GHR: variants seen among roughly 807,000 people sequenced by gnomAD.
GHR encodes growth hormone receptor.
Under a neutral mutation model 67.1 loss-of-function variants are expected in GHR, and 35 were observed. The ratio of observed to expected loss-of-function variants is 0.52; its 90% confidence interval spans 0.40 to 0.69. The LOEUF is 0.69. Ranked by LOEUF, GHR falls within the 30% of genes least tolerant of loss-of-function variation. GHR has a pLI of 0.00. For missense variants in GHR, 792 were observed against 764.6 expected (o/e 1.04, Z -0.42); for synonymous variants, 272 against 269.1 (o/e 1.01, Z -0.10).
In GHR at chr5:42,662,110, C is replaced by T. The variant is rs1000505699; in HGVS notation, c.137-26780C>T. The stretch of plus-strand genomic sequence containing the variant: ...GAGCATCCAGATTCATAAAGCAAGT[C>T]CTGAGTGACCTACAAACAGACTTAG... On this transcript the variant is annotated intron_variant, in intron 3 of 9. Transcript: ENST00000230882. Among the ~76,000 whole-genome samples the T allele has an allele frequency of 3.9e-4, 59 of 152,216 alleles. 2 individuals are homozygous for T. Among genetic ancestry groups the T allele is most frequent in the Middle Eastern group, 6.8e-3 (2 of 294 alleles).
chr5:42,514,689 G>A (rs1747165573), intron 1 of GHR, among the ~76,000 whole-genome samples: 1 of 152,182 alleles, frequency 6.6e-6, no homozygotes, highest in South Asian at 2.1e-4. Flanking sequence ...GGGGACATTA[G>A]TGGGGGTCTG....
At chr5:42,665,255 C>A (rs886720135) in intron 3 of GHR, among the ~76,000 whole-genome samples, 1 of 152,152 alleles carries the variant, frequency 6.6e-6, no homozygotes, top group African/African-American at 2.4e-5. Flanking sequence ...TGGGTATATA[C>A]CCAAATGACT....
At chr5:42,630,112 G>C (rs1753868807) in intron 3 of GHR, among the ~76,000 whole-genome samples, 1 of 131,842 alleles carries the variant, frequency 7.6e-6, no homozygotes, top group African/African-American at 3.2e-5. Flanking sequence ...CAACATGATA[G>C]CGTTTGCCTC....
intron 3 of GHR, among the ~76,000 whole-genome samples, chr5:42,636,143 G>C (rs1039629094): frequency 2.7e-5 from 4 of 147,642 alleles, no homozygotes; most frequent in African/African-American, 1.0e-4. Flanking sequence ...CCGGGAGGCG[G>C]AGCTTGCAGT....
chr5:42,663,538 TCAA>T lies in GHR; in HGVS notation c.137-25346_137-25344del, dbSNP rs546286885. ...ATGCAGAAAAGTTCTTTGACAAAATTCAACAACACTTCATGCTAAAAACTCTCA... is the reference window on the plus strand; with the variant it reads ...ATGCAGAAAAGTTCTTTGACAAAATTCAACACTTCATGCTAAAAACTCTCA... On this transcript the variant is annotated intron_variant, in intron 3 of 9. Coordinates refer to ENST00000230882, the MANE Select transcript of GHR (RefSeq NM_000163.5). 4.7e-3 allele frequency among the ~76,000 whole-genome samples: 713 copies of T among 152,278 alleles called. 6 individuals carry two copies. The highest frequency in any genetic ancestry group is 0.016 in the African/African-American group (685 of 41,542).
chr5:42,581,054 A>G (rs147414992), intron 2 of GHR, among the ~76,000 whole-genome samples: 103 of 152,296 alleles, frequency 6.8e-4, no homozygotes, highest in African/African-American at 2.1e-3. Flanking sequence ...GATTGCCATT[A>G]CAAATCTCTT....
chr5:42,641,161 A>G (rs1480957990), intron 3 of GHR, among the ~76,000 whole-genome samples: 1 of 134,388 alleles, frequency 7.4e-6, no homozygotes, highest in African/African-American at 3.2e-5. Flanking sequence ...CTTAGGTACA[A>G]AAAAGATGAG....
At chr5:42,542,996 T>C (rs1748581964) in intron 1 of GHR, among the ~76,000 whole-genome samples, 1 of 152,172 alleles carries the variant, frequency 6.6e-6, no homozygotes, top group Non-Finnish European at 1.5e-5. Context: ...TAGTATTCCA[T>C]GGTGTGTATA....
intron 1 of GHR, among the ~76,000 whole-genome samples, chr5:42,527,928 T>G (rs1275716402): frequency 6.6e-6 from 1 of 152,172 alleles, no homozygotes; most frequent in African/African-American, 2.4e-5. Context: ...ACAATACATG[T>G]GTAATAGTAC....
At chr5:42,429,475 T>C (rs1166238065) in intron 1 of GHR, among the ~76,000 whole-genome samples, 1 of 152,232 alleles carries the variant, frequency 6.6e-6, no homozygotes, top group Non-Finnish European at 1.5e-5. Flanking sequence ...TTCTGAACAT[T>C]CTATATCTAT....
chr5:42,592,409 C>G (rs1467701898), intron 2 of GHR, among the ~76,000 whole-genome samples: 1 of 152,174 alleles, frequency 6.6e-6, no homozygotes, highest in African/African-American at 2.4e-5. Context: ...TGTCCTCACC[C>G]GCCTCCCATC....
intron 8 of GHR, among the ~76,000 whole-genome samples, chr5:42,717,366 A>T (rs761178066): frequency 1.4e-4 from 22 of 152,224 alleles, no homozygotes; most frequent in Non-Finnish European, 3.1e-4. Context: ...CAAAATAGAT[A>T]CATGATTTAT....
chr5:42,611,318 G>C (rs1752878936), intron 2 of GHR, among the ~76,000 whole-genome samples: 2 of 152,082 alleles, frequency 1.3e-5, no homozygotes, highest in South Asian at 2.1e-4. Flanking sequence ...CTGAAGTTTA[G>C]AGTCTTCCAC....
Position 42,701,772 on chromosome 5 carries a change from A to G in GHR, c.618+1770A>G, listed in dbSNP as rs375980901. Reference sequence around the variant, plus strand: ...AAGAGATTGATGGTGATATTAATGAAAGTGACTTTTTAATTATATTGTGTA... The same window carrying G: ...AAGAGATTGATGGTGATATTAATGAGAGTGACTTTTTAATTATATTGTGTA... On this transcript the variant is annotated intron_variant, in intron 6 of 9. Coordinates refer to ENST00000230882, the MANE Select transcript of GHR (RefSeq NM_000163.5). Among the ~76,000 whole-genome samples the G allele has an allele frequency of 2.1e-3, 318 of 152,292 alleles. 3 individuals are homozygous for G. Among genetic ancestry groups the G allele is most frequent in the African/African-American group, 7.3e-3 (305 of 41,560 alleles).
At chr5:42,427,296 G>A (rs1561296971) in intron 1 of GHR, among the ~76,000 whole-genome samples, 1 of 152,174 alleles carries the variant, frequency 6.6e-6, no homozygotes, top group Non-Finnish European at 1.5e-5. Context: ...ACATGGCTGG[G>A]GAGGCCTCAC....
chr5:42,457,248 G>A (rs965678245), intron 1 of GHR, among the ~76,000 whole-genome samples: 13 of 152,090 alleles, frequency 8.5e-5, no homozygotes, highest in African/African-American at 3.1e-4. Context: ...GGGTATATTT[G>A]AATTACTAGA....
chr5:42,432,060 A>G (rs987295024), intron 1 of GHR, among the ~76,000 whole-genome samples: 7 of 152,178 alleles, frequency 4.6e-5, no homozygotes, highest in African/African-American at 9.6e-5. Context: ...TGTGCTAGAC[A>G]TTTGCTGTAG....
intron 1 of GHR, among the ~76,000 whole-genome samples, chr5:42,509,444 A>G (rs978158096): frequency 6.6e-6 from 1 of 152,170 alleles, no homozygotes; most frequent in Non-Finnish European, 1.5e-5. Context: ...ATTTCACTGC[A>G]AAAAGCCCAG....
At chr5:42,552,590 G>A (rs1749093361) in intron 1 of GHR, among the ~76,000 whole-genome samples, 1 of 152,152 alleles carries the variant, frequency 6.6e-6, no homozygotes, top group Non-Finnish European at 1.5e-5. Flanking sequence ...CTAGGGGCCT[G>A]ATTTATCTTA....
Sources: allele counts gnomAD v4.1 joint callset (sites outside exome capture counted in the v4.1 genomes callset), GRCh38; gene constraint gnomAD v4.1.1; transcripts MANE v1.5; gene names NCBI Gene and HGNC (gene_info 2026-07-23, HGNC 2026-07-21).